NLRC5: variants seen among roughly 807,000 people sequenced by gnomAD.
The protein encoded by NLRC5 is NLR family CARD domain containing 5.
Under a neutral mutation model 206.9 loss-of-function variants are expected in NLRC5, and 114 were observed. The observed-to-expected ratio is 0.55, with a 90% CI of 0.47 to 0.64. NLRC5 has a LOEUF of 0.64. Among genes scored for constraint, NLRC5 ranks in the 30% least tolerant of loss-of-function variants. NLRC5 has a pLI of 0.00. For synonymous variants in NLRC5, 952 were observed against 962.8 expected (o/e 0.99, Z 0.21); for missense variants, 2,008 against 2,305.5 (o/e 0.87, Z 2.64).
At chr16:57,035,540 C>T (rs1252770179) in intron 13 of NLRC5, among the ~76,000 whole-genome samples, 1 of 152,144 alleles carries the variant, frequency 6.6e-6, no homozygotes. Context: ...TGCCACAGGG[C>T]CTTTGAATGT....
At chr16:57,006,375 A>T (rs1311493644) in intron 1 of NLRC5, among the ~76,000 whole-genome samples, 2 of 144,928 alleles carry the variant, frequency 1.4e-5, no homozygotes, top group Non-Finnish European at 3.0e-5. Flanking sequence ...TATCTTGGAT[A>T]CCATTCCATA....
At chr16:57,036,741 G>A (rs1164320013) in intron 14 of NLRC5, among the ~76,000 whole-genome samples, 1 of 151,944 alleles carries the variant, frequency 6.6e-6, no homozygotes, top group African/African-American at 2.4e-5. Context: ...AGTGGTTTGG[G>A]GCCTCAGCTT....
At chr16:57,020,346 C>T (rs1447230363) in intron 2 of NLRC5, among the ~76,000 whole-genome samples, 1 of 147,986 alleles carries the variant, frequency 6.8e-6, no homozygotes, top group Non-Finnish European at 1.5e-5. Context: ...GCTCATCTTC[C>T]TTCCAGTTCC....
At chr16:57,075,934 GAC>G (rs1360349186) in intron 39 of NLRC5, 2 of 153,104 alleles carry the variant, frequency 1.3e-5, no homozygotes, top group African/African-American at 2.4e-5. Flanking sequence ...TATTTTTTGA[GAC>G]ACAGTCTCAC....
intron 18 of NLRC5, 98 bp from the exon 19 acceptor site, chr16:57,041,884 A>T: frequency 1.3e-6 from 1 of 798,758 alleles, no homozygotes; most frequent in Non-Finnish European, 2.0e-6. Context: ...GGCTGTGTCC[A>T]GTTTCAGGAA....
chr16:57,049,164 G>T (rs555464887), intron 23 of NLRC5, among the ~76,000 whole-genome samples: 1 of 151,996 alleles, frequency 6.6e-6, no homozygotes, highest in Non-Finnish European at 1.5e-5. Flanking sequence ...GAAAGTTTAC[G>T]AATTTTTGTT....
At chr16:57,066,723 G>A (rs1430989200) in intron 34 of NLRC5, 109 bp downstream of exon 34, 15 of 998,244 alleles carry the variant, frequency 1.5e-5, no homozygotes, top group Non-Finnish European at 2.2e-5. Context: ...GGGGTTCGAA[G>A]TCTTTACACA....
chr16:57,028,173 G>A lies in NLRC5; in HGVS notation c.2159+18G>A. ...ATGCTGGGGTGAGCCAGGCCTTGGAGCTGAGAAGGGTCTTCAGCTGGGGAT... is the reference window on the plus strand; with the variant it reads ...ATGCTGGGGTGAGCCAGGCCTTGGAACTGAGAAGGGTCTTCAGCTGGGGAT... On this transcript the variant is annotated intron_variant, in intron 7 of 48. Transcript: ENST00000688547. The A allele has an allele frequency of 6.2e-7, 1 of 1,607,890 alleles. No individual in the cohort carries two copies. Among genetic ancestry groups the A allele is most frequent in the Non-Finnish European group, 8.5e-7 (1 of 1,174,974 alleles).
intron 32 of NLRC5, 95 bp from the exon 33 acceptor site, chr16:57,065,117 C>T: frequency 3.0e-6 from 2 of 672,698 alleles, no homozygotes; most frequent in Non-Finnish European, 4.4e-6. Flanking sequence ...GCCTCTAGGT[C>T]CCCCCCTTGA....
At chr16:57,078,081 T>TGGG (rs11432614) in intron 43 of NLRC5, 61 bp downstream of exon 43, 9 of 1,337,478 alleles carry the variant, frequency 6.7e-6, no homozygotes, top group South Asian at 2.9e-5. Context: ...TCGGGAGCAG[T>TGGG]GGGGGGGTCC....
chr16:57,040,290 C>A (rs1431454435), intron 16 of NLRC5, among the ~76,000 whole-genome samples: 2 of 152,170 alleles, frequency 1.3e-5, no homozygotes, highest in Non-Finnish European at 2.9e-5. Flanking sequence ...CGGAGCCCAC[C>A]CACAATCTCT....
chr16:57,070,178 G>A (rs1172303011), intron 37 of NLRC5, among the ~76,000 whole-genome samples: 1 of 152,138 alleles, frequency 6.6e-6, no homozygotes, highest in Non-Finnish European at 1.5e-5. Context: ...TATGAAAATG[G>A]GGCTCATGAG....
chr16:57,017,874 A>T (rs1380712650), intron 2 of NLRC5, among the ~76,000 whole-genome samples: 2 of 152,216 alleles, frequency 1.3e-5, no homozygotes, highest in African/African-American at 2.4e-5. Context: ...TACCACAGAG[A>T]ATTAGTAACA....
chr16:56,990,609 T>C (rs991564880), intron 1 of NLRC5: 7 of 152,268 alleles, frequency 4.6e-5, no homozygotes, highest in Non-Finnish European at 2.9e-5. Context: ...GTTCTTATGT[T>C]TCCTTTTTTA....
intron 38 of NLRC5, among the ~76,000 whole-genome samples, chr16:57,073,919 C>T (rs2068063907): frequency 6.6e-6 from 1 of 152,198 alleles, no homozygotes; most frequent in Admixed American, 6.5e-5. Flanking sequence ...TGTGTGAACT[C>T]GTGCCAGTCC....
rs987798640 is a variant in NLRC5 at position 57,074,688 on chromosome 16, G to C, written c.4751+5G>C. ...GACCTGCCTGCAGAGCCTCAGGTGA[G>C]TGACCGAGCGGCCCCATGGGAATGA... On this transcript the variant is annotated splice_donor_5th_base_variant and intron_variant, in intron 39 of 48. Transcript: ENST00000688547. The C allele has an allele frequency of 1.9e-6, 3 of 1,613,406 alleles. No individual in the cohort carries two copies. The highest frequency in any genetic ancestry group is 1.7e-6 in the Non-Finnish European group (2 of 1,179,448).
chr16:57,014,813 C>A (rs1381975583), intron 1 of NLRC5, among the ~76,000 whole-genome samples: 1 of 152,208 alleles, frequency 6.6e-6, no homozygotes, highest in African/African-American at 2.4e-5. Flanking sequence ...GCCAGCAGGC[C>A]TGGTGTCTGG....
intron 3 of NLRC5, 31 bp from the exon 4 acceptor site, chr16:57,022,225 A>G: frequency 7.5e-6 from 12 of 1,590,700 alleles, no homozygotes; most frequent in Non-Finnish European, 9.5e-6. Flanking sequence ...CGACAGCCCC[A>G]TACCACATTA....
chr16:57,021,283 G>A (rs368103963), intron 3 of NLRC5, among the ~76,000 whole-genome samples: 5 of 151,590 alleles, frequency 3.3e-5, no homozygotes, highest in African/African-American at 7.3e-5. Context: ...CATAATGCCC[G>A]AGAGATTTAT....
Sources: gnomAD v4.1 joint callset for allele counts (sites outside exome capture counted in the v4.1 genomes callset) on GRCh38, gnomAD v4.1.1 for gene constraint, MANE v1.5 for transcripts, NCBI Gene and HGNC (gene_info 2026-07-23, HGNC 2026-07-21) for gene names.